ATG2A: variants seen among roughly 807,000 people sequenced by gnomAD.
ATG2A encodes autophagy related 2A, also known as autophagy-related protein 2 homolog A.
A neutral mutation model predicts 214.2 loss-of-function variants in ATG2A; 103 were observed. The ratio of observed to expected loss-of-function variants is 0.48; its 90% CI spans 0.41 to 0.57. The LOEUF (loss-of-function observed/expected upper bound fraction) is 0.57, where lower values mean the gene tolerates loss of function less well. Ranked by LOEUF, ATG2A falls within the 20% of genes least tolerant of loss-of-function variation. ATG2A has a pLI of 0.00. For synonymous variants in ATG2A, 1,160 were observed against 1,142.1 expected (o/e 1.02, Z -0.32); for missense variants, 2,312 against 2,613.2 (o/e 0.88, Z 2.51).
chr11:64,913,273 G>T lies in ATG2A; in HGVS notation c.719C>A (p.Pro240Gln). ...AGVRLHYEEL[P>Q]AQEEPPEPPL... ...GAATCAGAGCCCGCTCACCTGTGCC[G>T]GGAGCTCCTCGTAGTGCAGGCGGAC... The change falls in exon 5 of 41, where the codon CCG becomes CAG. Residue 240 changes from proline (P) to glutamine (Q), a missense_variant. Physicochemically the swap from Pro to Gln is moderately conservative, Grantham distance 76. Coordinates refer to ENST00000377264, the MANE Select transcript of ATG2A (RefSeq NM_015104.3). The surrounding 1 kb of genome is among the most constrained non-coding windows in gnomAD (Gnocchi z 4.3). 1 of 1,611,544 alleles carries T rather than the reference G, an allele frequency of 6.2e-7. No individual in the cohort carries two copies. The highest frequency in any genetic ancestry group is 8.5e-7 in the Non-Finnish European group (1 of 1,179,606).
chr11:64,904,224 C>T (rs990395591), intron 24 of ATG2A, among the ~76,000 whole-genome samples: 3 of 149,340 alleles, frequency 2.0e-5, no homozygotes, highest in East Asian at 2.0e-4. Flanking sequence ...CTAGCCTGGG[C>T]GACAGAGTGA....
At chr11:64,902,206 G>T in intron 28 of ATG2A, 30 bp from the exon 29 acceptor site, 2 of 1,612,644 alleles carry the variant, frequency 1.2e-6, no homozygotes, top group Non-Finnish European at 1.7e-6. Context: ...TTGGAGAGGC[G>T]CCCACAGTGG....
chr11:64,903,691 G>A lies in ATG2A; in HGVS notation c.3465-31C>T, dbSNP rs767360392. ...GGGGAACAGGGCTGAGAAGGGCCCG[G>A]GCACCGCTGCAGGGGGCAGCTCCAC... On this transcript the variant is annotated intron_variant, in intron 24 of 40. Coordinates refer to ENST00000377264, the MANE Select transcript of ATG2A (RefSeq NM_015104.3). This position sits in a 1 kb window ranked among gnomAD's most constrained non-coding sequence, Gnocchi z 4.2. 2 of 1,541,770 alleles carry A rather than the reference G, an allele frequency of 1.3e-6. No individual in the cohort carries two copies. Among genetic ancestry groups the A allele is most frequent in the South Asian group, 2.4e-5 (2 of 83,536 alleles).
At position 64,905,765 on chromosome 11, in the gene ATG2A, C is replaced by T; in HGVS notation, c.3348G>A (p.Leu1116=). 2 of 1,613,956 alleles carry T rather than the reference C, an allele frequency of 1.2e-6. No homozygotes were observed. The highest frequency in any genetic ancestry group is 1.7e-6 in the Non-Finnish European group (2 of 1,180,010). Residue 1116 remains leucine, a synonymous_variant, in exon 23 of 41, where the codon CTG becomes CTA. Transcript: ENST00000377264. The part of the protein sequence containing the change: ...PTVITILHTH[L]FSCSVDYRPL... ...ACCTATAGTCCACAGAGCAGGAGAA[C>T]AGGTGTGTGTGCAGGATGGTGATGA...
intron 37 of ATG2A, 157 bp from the exon 38 acceptor site, chr11:64,897,026 T>A: frequency 2.2e-6 from 1 of 461,664 alleles, no homozygotes; most frequent in Non-Finnish European, 3.0e-6. Flanking sequence ...ACTGTGTCCT[T>A]TTTTTTTTTT....
intron 1 of ATG2A, among the ~76,000 whole-genome samples, chr11:64,915,280 C>A (rs974180892): frequency 1.3e-5 from 2 of 152,044 alleles, no homozygotes; most frequent in African/African-American, 4.8e-5. Context: ...CCACCTGCCT[C>A]CCCCGTCACC....
Position 64,907,268 on chromosome 11 carries a change from A to T in ATG2A, c.2819T>A (p.Leu940His), listed in dbSNP as rs1944586780. The change falls in exon 19 of 41, where the codon CTC becomes CAC. Residue 940 changes from leucine (L) to histidine (H), a missense_variant. Physicochemically the swap from Leu to His is moderately conservative, Grantham distance 99. Coordinates refer to ENST00000377264, the MANE Select transcript of ATG2A (RefSeq NM_015104.3). ...VTVLKGRITALCETKDEGGKR... is the reference protein window; with the variant it reads ...VTVLKGRITAHCETKDEGGKR... Reference sequence around the variant, plus strand: ...GGCTGCACTCACCTTGGTCTCACAGAGGGCTGTGATCCGCCCCTTCAGCAC... The same window carrying T: ...GGCTGCACTCACCTTGGTCTCACAGTGGGCTGTGATCCGCCCCTTCAGCAC... The T allele has an allele frequency of 2.6e-6, 4 of 1,511,478 alleles. No individual in the cohort carries two copies. The highest frequency in any genetic ancestry group is 3.5e-6 in the Non-Finnish European group (4 of 1,127,692). The allele number at this position is 1,511,478 out of a possible 1,614,324, so 93.6% of individuals were successfully genotyped here.
chr11:64,910,160 G>C lies in ATG2A; in HGVS notation c.1743C>G (p.His581Gln), dbSNP rs1198357142. 1 of 1,610,096 alleles carries C rather than the reference G, an allele frequency of 6.2e-7. No homozygotes were observed. The highest frequency in any genetic ancestry group is 1.7e-5 in the Admixed American group (1 of 59,390). Residue 581 changes from histidine to glutamine, a missense_variant, in exon 13 of 41, where the codon CAC becomes CAG. By Grantham distance (24) the His-to-Gln change is conservative. Transcript: ENST00000377264. ...TGGCCAGGTCCAGGGCCAGTTCTGA[G>C]TGGCAATGGCAGGCAACTGAGCGCC... ...RPRRSVACHCHSELALDLANF... is the reference protein window; with the variant it reads ...RPRRSVACHCQSELALDLANF...
At chr11:64,900,694 G>A (rs1565744399) in intron 30 of ATG2A, 65 bp from the exon 31 acceptor site, 2 of 1,495,930 alleles carry the variant, frequency 1.3e-6, no homozygotes, top group East Asian at 2.4e-5. Context: ...TCCTCAGCGG[G>A]CCTTTTAGCC....
intron 39 of ATG2A, 79 bp downstream of exon 39, chr11:64,896,383 G>T (rs1379430196): frequency 6.6e-6 from 10 of 1,508,666 alleles, no homozygotes; most frequent in Non-Finnish European, 7.1e-6. Flanking sequence ...GGAGCTTTGA[G>T]GACAGAACCA....
At chr11:64,896,391 C>A (rs1944150723) in intron 39 of ATG2A, 71 bp downstream of exon 39, 5 of 1,523,340 alleles carry the variant, frequency 3.3e-6, no homozygotes, top group Admixed American at 4.1e-5. Flanking sequence ...GAGGACAGAA[C>A]CAGGGAGCTG....
At position 64,909,111 on chromosome 11, in the gene ATG2A, C is replaced by T. The variant is rs149707623; in HGVS notation, c.2244G>A (p.Gln748=). 5.0e-5 allele frequency: 81 copies of T among 1,612,438 alleles called. No individual in the cohort carries two copies. The highest frequency in any genetic ancestry group is 2.1e-4 in the African/African-American group (16 of 75,062). ...CTCCCTTCTCCGGGGCCACCTCCCA[C>T]TGTGTGCTGCTGGACTGGGGGTTCA... ...VTVNPQSSST[Q]WEVAPEKGEE... The change falls in exon 16 of 41, where the codon CAG becomes CAA. Residue 748 remains glutamine (Q), a synonymous_variant. Coordinates refer to ENST00000377264, the MANE Select transcript of ATG2A (RefSeq NM_015104.3).
chr11:64,898,849 G>C lies in ATG2A; in HGVS notation c.4465-7C>G. On this transcript the variant is annotated splice_polypyrimidine_tract_variant and splice_region_variant and intron_variant, in intron 31 of 40. Transcript: ENST00000377264. The surrounding 1 kb of genome is among the most constrained non-coding windows in gnomAD (Gnocchi z 4.5). Reference sequence around the variant, plus strand: ...CCTCGTGCTGGAAGCTTACCTGTGGGGTGGACAGAGGCCTGGCCAGGTAAG... The same window carrying C: ...CCTCGTGCTGGAAGCTTACCTGTGGCGTGGACAGAGGCCTGGCCAGGTAAG... 6.2e-7 allele frequency: 1 copy of C among 1,605,460 alleles called. No homozygotes were observed. Among genetic ancestry groups the C allele is most frequent in the Non-Finnish European group, 8.5e-7 (1 of 1,179,072 alleles).
rs374707346 is a variant in ATG2A at position 64,910,746 on chromosome 11, G to C, written c.1615-38C>G. The stretch of plus-strand genomic sequence containing the variant: ...CCGGGAGGCACACAGGGTCAGGCCT[G>C]GCCCCACAGCCACCCAAACCTCCAG... On this transcript the variant is annotated intron_variant, in intron 11 of 40. Transcript: ENST00000377264. 2.5e-6 allele frequency: 4 copies of C among 1,609,940 alleles called. No homozygotes were observed. The African/African-American group carries it at 5.3e-5, about 22-fold the overall frequency.
rs767675810 is a variant in ATG2A at position 64,913,164 on chromosome 11, A to C, written c.727-28T>G. 30 of 1,595,778 alleles carry C rather than the reference A, an allele frequency of 1.9e-5. No individual in the cohort carries two copies. The highest frequency in any genetic ancestry group is 2.5e-5 in the Non-Finnish European group (29 of 1,169,786). On this transcript the variant is annotated intron_variant, in intron 5 of 40. Transcript: ENST00000377264. The surrounding 1 kb of genome is among the most constrained non-coding windows in gnomAD (Gnocchi z 4.3). Reference sequence around the variant, plus strand: ...GGGAGACGGGAGGATACAAGAGGGAAAGGTTGAGAAAATGGAGTCAGAGAT... The same window carrying C: ...GGGAGACGGGAGGATACAAGAGGGACAGGTTGAGAAAATGGAGTCAGAGAT...
In ATG2A at chr11:64,910,074, G is replaced by A. The variant is rs1257828538; in HGVS notation, c.1829C>T (p.Ala610Val). Residue 610 changes from alanine (A) to valine (V), a missense_variant, in exon 13 of 41, where the codon GCC (alanine) becomes GTC (valine). Transcript: ENST00000377264. ...LDRLAALLRL[A>V]TVPAEPPAGL... The stretch of plus-strand genomic sequence containing the variant: ...GGCTGGAGGCTCAGCAGGTACGGTG[G>A]CCAGGCGCAGTAGGGCGGCCAGCCG... The A allele has an allele frequency of 1.2e-6, 2 of 1,603,818 alleles. No individual in the cohort carries two copies. Among genetic ancestry groups the A allele is most frequent in the African/African-American group, 1.3e-5 (1 of 74,816 alleles).
rs1226987420 is a variant in ATG2A at position 64,894,859 on chromosome 11, C to A, written c.*114G>T. The A allele has an allele frequency of 1.6e-5, 20 of 1,270,990 alleles. No individual in the cohort carries two copies. Among genetic ancestry groups the A allele is most frequent in the Non-Finnish European group, 2.3e-5 (20 of 880,296 alleles). The allele number at this position is 1,270,990 out of a possible 1,614,324, so 78.7% of individuals were successfully genotyped here. ...GCAACGGGCAGGCTGGGAAGGCGTC[C>A]TTCACAGTGGCCATCCCCTGAAGGG... On this transcript the variant is annotated 3_prime_UTR_variant, in exon 41 of 41. Coordinates refer to ENST00000377264, the MANE Select transcript of ATG2A (RefSeq NM_015104.3).
chr11:64,911,154 G>C lies in ATG2A; in HGVS notation c.1350C>G (p.Asp450Glu). The C allele has an allele frequency of 1.2e-6, 2 of 1,614,164 alleles. No homozygotes were observed. Among genetic ancestry groups the C allele is most frequent in the Non-Finnish European group, 1.7e-6 (2 of 1,180,034 alleles). Reference protein sequence around the residue: ...QTSAPSSGPPDLATHFFTEFD... With the variant: ...QTSAPSSGPPELATHFFTEFD... ...ACTCGGTGAAAAAGTGCGTGGCGAG[G>C]TCAGGTGGTCCGGAAGATGGGGCAG... Residue 450 changes from aspartate (D) to glutamate (E), a missense_variant, in exon 10 of 41, where the codon GAC becomes GAG. Physicochemically the swap from Asp to Glu is conservative, Grantham distance 45 (BLOSUM62 2). Coordinates refer to ENST00000377264, the MANE Select transcript of ATG2A (RefSeq NM_015104.3).
At chr11:64,912,714 C>A in intron 6 of ATG2A, 1 of 448,608 alleles carries the variant, frequency 2.2e-6, no homozygotes, top group South Asian at 2.8e-5. Context: ...CCGCCTCAGC[C>A]TCCCAAGAAG....
Sources: allele counts gnomAD v4.1 joint callset (sites outside exome capture counted in the v4.1 genomes callset), GRCh38; gene constraint gnomAD v4.1.1; non-coding constraint Gnocchi (gnomAD v3.1); transcripts MANE v1.5; gene names NCBI Gene and HGNC (gene_info 2026-07-23, HGNC 2026-07-21).